The following PRKN variants were observed in gnomAD, a reference collection of about 807,000 sequenced individuals.
PRKN encodes E3 ubiquitin-protein ligase parkin.
A neutral mutation model predicts 59.5 loss-of-function variants in PRKN; 56 were observed. The ratio of observed to expected loss-of-function variants is 0.94; its 90% CI spans 0.76 to 1.18. The LOEUF (loss-of-function observed/expected upper bound fraction) is 1.18, where lower values mean the gene tolerates loss of function less well. Among genes scored for constraint, PRKN ranks in the 50% most tolerant of loss-of-function variants. The pLI is 0.00. For missense variants in PRKN, 657 were observed against 596.4 expected (o/e 1.10, Z -1.06); for synonymous variants, 250 against 222.1 (o/e 1.13, Z -1.12).
At chr6:161,848,041 A>G (rs969619660) in intron 6 of PRKN, among the ~76,000 whole-genome samples, 1 of 152,178 alleles carries the variant, frequency 6.6e-6, no homozygotes, top group Admixed American at 6.5e-5. Context: ...CAAGTGAGGA[A>G]ACTGATACCA....
chr6:161,595,933 G>C (rs774042927), intron 7 of PRKN, among the ~76,000 whole-genome samples: 8 of 152,158 alleles, frequency 5.3e-5, no homozygotes, highest in Non-Finnish European at 1.2e-4. Flanking sequence ...CCACATCAGA[G>C]GTTGCATTTG....
At chr6:162,329,390 A>T (rs138445163) in intron 2 of PRKN, among the ~76,000 whole-genome samples, 8 of 152,218 alleles carry the variant, frequency 5.3e-5, no homozygotes, top group Middle Eastern at 3.4e-3. Flanking sequence ...TTCCATATCG[A>T]TGGCTCCTTT....
intron 4 of PRKN, among the ~76,000 whole-genome samples, chr6:162,123,314 C>T (rs896982564): frequency 6.6e-6 from 1 of 151,544 alleles, no homozygotes; most frequent in East Asian, 1.9e-4. Context: ...TCACATTATA[C>T]AATGGGAAAA....
Position 161,378,871 on chromosome 6 carries a change from GCC to G in PRKN, c.1167+7921_1167+7922del, listed in dbSNP as rs2114922385. ...GAATCAAGGGGTGGAAGTAGGGACGGCCCCACTTCTCACTCCCAGTGGTCCAC... is the reference window on the plus strand; with the variant it reads ...GAATCAAGGGGTGGAAGTAGGGACGGCCACTTCTCACTCCCAGTGGTCCAC... On this transcript the variant is annotated intron_variant, in intron 10 of 11. Transcript: ENST00000366898. This position sits in a 1 kb window ranked among gnomAD's most constrained non-coding sequence, Gnocchi z 7.3. Among the ~76,000 whole-genome samples the G allele has an allele frequency of 6.6e-6, 1 of 152,292 alleles. No individual in the cohort carries two copies. The highest frequency in any genetic ancestry group is 2.4e-5 in the African/African-American group (1 of 41,568).
At chr6:161,934,727 A>G (rs1779290074) in intron 6 of PRKN, among the ~76,000 whole-genome samples, 1 of 152,140 alleles carries the variant, frequency 6.6e-6, no homozygotes, top group South Asian at 2.1e-4. Context: ...TGTTACTTTG[A>G]GAGACAGGTT....
rs191093993 is a variant in PRKN at position 161,800,373 on chromosome 6, G to A, written c.735-14465C>T. ...ATGCCCCAACATCCATGGGTTCATG[G>A]TTCTAAAAGTCACACCTTTCATATT... On this transcript the variant is annotated intron_variant, in intron 6 of 11. Coordinates refer to ENST00000366898, the MANE Select transcript of PRKN (RefSeq NM_004562.3). Among the ~76,000 whole-genome samples, 449 of 152,258 alleles carry A rather than the reference G, an allele frequency of 2.9e-3. 9 individuals are homozygous for A. The South Asian group carries it at 0.039, about 13-fold the overall frequency.
At chr6:162,026,882 T>G (rs1331680567) in intron 5 of PRKN, among the ~76,000 whole-genome samples, 1 of 152,216 alleles carries the variant, frequency 6.6e-6, no homozygotes, top group East Asian at 1.9e-4. Context: ...AAAATAATGA[T>G]GGTGAGAAGT....
intron 4 of PRKN, among the ~76,000 whole-genome samples, chr6:162,187,217 C>G (rs1175701368): frequency 2.0e-5 from 3 of 152,144 alleles, no homozygotes; most frequent in Admixed American, 6.6e-5. Context: ...AAACCAGCAG[C>G]TGAGAAAGAA....
chr6:161,785,804 T>C lies in PRKN; in HGVS notation c.839A>G (p.Asp280Gly), dbSNP rs1316563336. 1 of 1,613,888 alleles carries C rather than the reference T, an allele frequency of 6.2e-7. No individual in the cohort carries two copies. Among genetic ancestry groups the C allele is most frequent in the Non-Finnish European group, 8.5e-7 (1 of 1,179,992 alleles). ...AGGCAGGGAGTAGCCAAGTTGAGGGTCGTGAACAAACTGCCGATCATTGAG... is the reference window on the plus strand; with the variant it reads ...AGGCAGGGAGTAGCCAAGTTGAGGGCCGTGAACAAACTGCCGATCATTGAG... The part of the protein sequence containing the change: ...TRLNDRQFVH[D>G]PQLGYSLPCV... The change falls in exon 7 of 12, where the codon GAC becomes GGC. Residue 280 changes from aspartate (D) to glycine (G), a missense_variant. Coordinates refer to ENST00000366898, the MANE Select transcript of PRKN (RefSeq NM_004562.3).
chr6:162,146,186 G>A (rs1400177159), intron 4 of PRKN, among the ~76,000 whole-genome samples: 1 of 152,098 alleles, frequency 6.6e-6, no homozygotes, highest in Non-Finnish European at 1.5e-5. Context: ...CACCCACGTA[G>A]CCATCCAGCA....
intron 7 of PRKN, among the ~76,000 whole-genome samples, chr6:161,776,495 G>A (rs532539701): frequency 6.6e-6 from 1 of 152,154 alleles, no homozygotes; most frequent in African/African-American, 2.4e-5. Context: ...CATAGACATG[G>A]GCAGAGGGAG....
chr6:161,635,428 A>G lies in PRKN; in HGVS notation c.872-66012T>C, dbSNP rs76444584. 5.2e-3 allele frequency among the ~76,000 whole-genome samples: 788 copies of G among 152,308 alleles called. 13 individuals are homozygous for G. The East Asian group carries it at 0.059, about 11-fold the overall frequency. On this transcript the variant is annotated intron_variant, in intron 7 of 11. Coordinates refer to ENST00000366898, the MANE Select transcript of PRKN (RefSeq NM_004562.3). ...TGCTGACAGATGGCCCACAGTGAAAATGCTTTGCTAGTCTGATTACAACAA... is the reference window on the plus strand; with the variant it reads ...TGCTGACAGATGGCCCACAGTGAAAGTGCTTTGCTAGTCTGATTACAACAA...
chr6:161,790,476 A>G (rs972873577), intron 6 of PRKN, among the ~76,000 whole-genome samples: 1 of 152,154 alleles, frequency 6.6e-6, no homozygotes, highest in Non-Finnish European at 1.5e-5. Context: ...CGTATGTTAA[A>G]ATCCTTATCT....
intron 6 of PRKN, among the ~76,000 whole-genome samples, chr6:161,915,567 T>C (rs1000769016): frequency 2.6e-5 from 4 of 152,212 alleles, no homozygotes; most frequent in African/African-American, 4.8e-5. Context: ...AGAACTGTAA[T>C]TGATCTCTGC....
intron 6 of PRKN, among the ~76,000 whole-genome samples, chr6:161,826,422 T>C (rs1036199962): frequency 5.3e-5 from 8 of 152,216 alleles, no homozygotes; most frequent in African/African-American, 1.9e-4. Flanking sequence ...TATACACACA[T>C]AGGCATATGA....
intron 1 of PRKN, among the ~76,000 whole-genome samples, chr6:162,519,377 G>A (rs1777995510): frequency 6.6e-6 from 1 of 152,146 alleles, no homozygotes; most frequent in African/African-American, 2.4e-5. Flanking sequence ...AGCATTCAGG[G>A]CTCTGGGCCA....
chr6:162,388,360 C>T (rs149589893), intron 2 of PRKN, among the ~76,000 whole-genome samples: 11 of 152,272 alleles, frequency 7.2e-5, no homozygotes, highest in African/African-American at 1.4e-4. Context: ...GTGACACTTA[C>T]GGATCTCTAA....
rs1041671166 is a variant in PRKN, at chr6:161,401,928, C to T, written c.1084-15051G>A. Among the ~76,000 whole-genome samples the T allele has an allele frequency of 2.0e-5, 3 of 152,152 alleles. No individual in the cohort carries two copies. The highest frequency in any genetic ancestry group is 4.4e-5 in the Non-Finnish European group (3 of 68,032). On this transcript the variant is annotated intron_variant, in intron 9 of 11. Coordinates refer to ENST00000366898, the MANE Select transcript of PRKN (RefSeq NM_004562.3). The surrounding 1 kb of genome is among the most constrained non-coding windows in gnomAD (Gnocchi z 4.4). ...ACACACCAATCTCTGGAGCGGAAGC[C>T]GTTAATGCTTCTACTTATATTCTTA...
At position 161,518,833 on chromosome 6, in the gene PRKN, T is replaced by C. The variant is rs1023070212; in HGVS notation, c.1083+30021A>G. Among the ~76,000 whole-genome samples the C allele has an allele frequency of 1.3e-5, 2 of 152,078 alleles. No individual in the cohort carries two copies. The highest frequency in any genetic ancestry group is 2.9e-5 in the Non-Finnish European group (2 of 68,022). ...AGTCACCTGGTGAACACTGACTGAA[T>C]TGAGTCAAATAGAAAGCAGCTCTCA... On this transcript the variant is annotated intron_variant, in intron 9 of 11. Coordinates refer to ENST00000366898, the MANE Select transcript of PRKN (RefSeq NM_004562.3). The surrounding 1 kb of genome is among the most constrained non-coding windows in gnomAD (Gnocchi z 5.0).
Sources: allele counts gnomAD v4.1 joint callset (sites outside exome capture counted in the v4.1 genomes callset), GRCh38; gene constraint gnomAD v4.1.1; non-coding constraint Gnocchi (gnomAD v3.1); transcripts MANE v1.5; gene names NCBI Gene and HGNC (gene_info 2026-07-23, HGNC 2026-07-21).